ANK1: variants seen among roughly 807,000 people sequenced by gnomAD.
The protein encoded by ANK1 is ankyrin-1.
Under a neutral mutation model 210.4 loss-of-function variants are expected in ANK1, and 51 were observed. That is an observed-to-expected ratio of 0.24 (90% CI 0.19 to 0.31). ANK1 has a LOEUF of 0.31. ANK1 is among the 10% of genes least tolerant of loss of function. The pLI is 1.00. For synonymous variants in ANK1, 967 were observed against 1,025.9 expected (o/e 0.94, Z 1.10); for missense variants, 2,051 against 2,504.4 (o/e 0.82, Z 3.86).
At chr8:41,724,328 G>A (rs1830125699) in intron 7 of ANK1, 128 bp downstream of exon 7, 4 of 815,278 alleles carry the variant, frequency 4.9e-6, no homozygotes, top group Admixed American at 2.0e-5. Flanking sequence ...CAAGGAGCCC[G>A]ACCAGACAGC....
At chr8:41,766,110 A>G (rs1841728358) in intron 1 of ANK1, among the ~76,000 whole-genome samples, 1 of 152,202 alleles carries the variant, frequency 6.6e-6, no homozygotes, top group Non-Finnish European at 1.5e-5. Flanking sequence ...GTCTTGTTGG[A>G]GCAAAATGCA....
At chr8:41,684,433 G>A (rs576794510) in intron 37 of ANK1, 111 bp downstream of exon 37, 1 of 1,517,524 alleles carries the variant, frequency 6.6e-7, no homozygotes, top group African/African-American at 1.4e-5. Flanking sequence ...CCCACCAATG[G>A]GAGGCAGAGC....
chr8:41,757,988 G>A, intron 2 of ANK1, 48 bp downstream of exon 2: 1 of 1,521,960 alleles, frequency 6.6e-7, no homozygotes, highest in East Asian at 2.2e-5. Context: ...ATGGCATCAG[G>A]CAAGAGCTAC....
intron 40 of ANK1, among the ~76,000 whole-genome samples, chr8:41,662,637 C>A (rs963467106): frequency 6.6e-6 from 1 of 152,216 alleles, no homozygotes; most frequent in Admixed American, 6.5e-5. Flanking sequence ...ATCTTCAAAC[C>A]CTTTACTCTG....
chr8:41,768,630 G>A (rs1205277850), intron 1 of ANK1, among the ~76,000 whole-genome samples: 4 of 152,064 alleles, frequency 2.6e-5, no homozygotes, highest in Admixed American at 6.5e-5. Flanking sequence ...GCCACTGGCC[G>A]CACCAGCAAG....
In ANK1 at chr8:41,702,838, TGA is replaced by T. The variant is rs1586247858; in HGVS notation, c.2296-696_2296-695del. Among the ~76,000 whole-genome samples, 5 of 152,244 alleles carry T rather than the reference TGA, an allele frequency of 3.3e-5. No individual in the cohort carries two copies. The East Asian group carries it at 9.7e-4, about 29-fold the overall frequency. On this transcript the variant is annotated intron_variant, in intron 20 of 42. Transcript: ENST00000289734. ...TCGAGTCCACTTTTGTGTGTGTGTG[TGA>T]GACAGAGTTCACTCTGTCACCCAAG... is the stretch of plus-strand genomic sequence containing the variant.
chr8:41,795,144 C>A (rs541350522), intron 1 of ANK1, among the ~76,000 whole-genome samples: 1 of 152,338 alleles, frequency 6.6e-6, no homozygotes, highest in South Asian at 2.1e-4. Flanking sequence ...TTTGATTAAT[C>A]TCAAAATAAG....
intron 1 of ANK1, among the ~76,000 whole-genome samples, chr8:41,863,183 C>T (rs1484866313): frequency 6.6e-6 from 1 of 151,790 alleles, no homozygotes; most frequent in Non-Finnish European, 1.5e-5. Context: ...ACGGTGAAAC[C>T]CCATCTCTAC....
At chr8:41,764,662 T>C (rs1214683798) in intron 1 of ANK1, among the ~76,000 whole-genome samples, 1 of 152,176 alleles carries the variant, frequency 6.6e-6, no homozygotes, top group African/African-American at 2.4e-5. Flanking sequence ...TGTCTTCTGG[T>C]GTCTCTTCCC....
chr8:41,856,029 G>A (rs1483887430), intron 1 of ANK1, among the ~76,000 whole-genome samples: 1 of 152,208 alleles, frequency 6.6e-6, no homozygotes, highest in Non-Finnish European at 1.5e-5. Context: ...CCGGGACAAA[G>A]TTTCCTCCAC....
upstream of ANK1, among the ~76,000 whole-genome samples, chr8:41,802,112 C>T (rs1254321219): frequency 6.6e-6 from 1 of 152,186 alleles, no homozygotes; most frequent in African/African-American, 2.4e-5. Flanking sequence ...GCCTCGGCCT[C>T]CCGAATAGCT....
intron 1 of ANK1, among the ~76,000 whole-genome samples, chr8:41,849,135 C>T (rs529303679): frequency 6.6e-6 from 1 of 152,338 alleles, no homozygotes; most frequent in African/African-American, 2.4e-5. Flanking sequence ...ACCTTTGAAC[C>T]ACATTTGGAG....
intron 1 of ANK1, among the ~76,000 whole-genome samples, chr8:41,831,193 C>T (rs1806541781): frequency 6.6e-6 from 1 of 152,194 alleles, no homozygotes; most frequent in Admixed American, 6.5e-5. Context: ...ATTTCCCCAT[C>T]TGTAAAACCG....
intron 1 of ANK1, among the ~76,000 whole-genome samples, chr8:41,834,857 A>G (rs1807327457): frequency 6.6e-6 from 1 of 152,260 alleles, no homozygotes; most frequent in African/African-American, 2.4e-5. Flanking sequence ...TGTTGAGGAC[A>G]GAACTCAGCA....
intron 1 of ANK1, among the ~76,000 whole-genome samples, chr8:41,809,632 AG>A (rs1464509411): frequency 1.3e-5 from 2 of 151,936 alleles, no homozygotes; most frequent in Admixed American, 6.6e-5. Flanking sequence ...GCCAGGCATG[AG>A]GGTGCATGCC....
chr8:41,687,927 T>C (rs1197536566), intron 35 of ANK1, among the ~76,000 whole-genome samples: 1 of 152,218 alleles, frequency 6.6e-6, no homozygotes, highest in Non-Finnish European at 1.5e-5. Context: ...ACTCAAAAGC[T>C]GAGTCTTTCT....
chr8:41,693,281 T>C (rs1472940942), intron 29 of ANK1, 80 bp from the exon 30 acceptor site: 4 of 1,291,568 alleles, frequency 3.1e-6, no homozygotes, highest in Non-Finnish European at 4.5e-6. Context: ...AAGGCCGTGG[T>C]GTGCAAGGTG....
At chr8:41,847,489 C>T (rs978329737) in intron 1 of ANK1, among the ~76,000 whole-genome samples, 1 of 152,152 alleles carries the variant, frequency 6.6e-6, no homozygotes, top group Non-Finnish European at 1.5e-5. Context: ...CGAGCTGCTA[C>T]GGAGGTGATA....
At chr8:41,819,053 G>A (rs1418947350) in intron 1 of ANK1, among the ~76,000 whole-genome samples, 3 of 152,192 alleles carry the variant, frequency 2.0e-5, no homozygotes, top group Non-Finnish European at 4.4e-5. Flanking sequence ...AGATCTACCA[G>A]CCTCATTGAT....
Sources: gnomAD v4.1 joint callset for allele counts (sites outside exome capture counted in the v4.1 genomes callset) on GRCh38, gnomAD v4.1.1 for gene constraint, MANE v1.5 for transcripts, NCBI Gene and HGNC (gene_info 2026-07-23, HGNC 2026-07-21) for gene names.